Variants in GPC3 observed in about 807,000 individuals in gnomAD.
The protein encoded by GPC3 is glypican 3, also known as glypican-3.
In GPC3, 3 loss-of-function variants were observed where a neutral mutation model predicts 34.4. The observed-to-expected ratio is 0.09, with a 90% CI of 0.04 to 0.23. The LOEUF is 0.23. Among genes scored for constraint, GPC3 ranks in the 10% least tolerant of loss-of-function variants. GPC3 has a pLI of 1.00. For synonymous variants in GPC3, 177 were observed against 174.0 expected (o/e 1.02, Z -0.13); for missense variants, 351 against 445.6 (o/e 0.79, Z 1.91).
chrX:133,793,555 A>G (rs1469594208), intron 2 of GPC3, among the ~76,000 whole-genome samples: 3 of 111,275 alleles, frequency 2.7e-5, no homozygotes, highest in African/African-American at 9.8e-5. Flanking sequence ...AAACCCAGAA[A>G]TATCCTAACT....
chrX:133,952,168 G>A (rs1234374508), intron 2 of GPC3, among the ~76,000 whole-genome samples: 1 of 111,364 alleles, frequency 9.0e-6, no homozygotes, highest in Non-Finnish European at 1.9e-5. Flanking sequence ...TAAGAGCCAT[G>A]CCATCTGGGT....
chrX:133,616,558 C>T (rs975651813), intron 6 of GPC3, among the ~76,000 whole-genome samples: 1 of 110,466 alleles, frequency 9.1e-6, no homozygotes, highest in Non-Finnish European at 1.9e-5. Context: ...ATAGCCAAAA[C>T]AATTTTGAAA....
At position 133,936,195 on chromosome X, in the gene GPC3, G is replaced by A. The variant is rs916934919; in HGVS notation, c.337+16855C>T. ...CTACCTCAGCCTCAGAAAATGCTGGGATTAAACTTAAAGTATAATAATAAT... is the reference window on the plus strand; with the variant it reads ...CTACCTCAGCCTCAGAAAATGCTGGAATTAAACTTAAAGTATAATAATAAT... On this transcript the variant is annotated intron_variant, in intron 2 of 7. Coordinates refer to ENST00000370818, the MANE Select transcript of GPC3 (RefSeq NM_004484.4). Among the ~76,000 whole-genome samples the A allele has an allele frequency of 7.7e-5, 8 of 104,041 alleles. 1 individual carries two copies. The highest frequency in any genetic ancestry group is 1.6e-4 in the Non-Finnish European group (8 of 51,321). 90.3% of individuals were successfully genotyped at this position (104,041 alleles called of 115,157 possible).
chrX:133,953,788 T>C (rs1569458785), intron 1 of GPC3, among the ~76,000 whole-genome samples: 3 of 112,076 alleles, frequency 2.7e-5, no homozygotes, highest in Non-Finnish European at 3.8e-5. Flanking sequence ...GTGCCTACTA[T>C]ATGCCAAGCA....
intron 2 of GPC3, among the ~76,000 whole-genome samples, chrX:133,784,156 G>A (rs761246220): frequency 1.3e-4 from 14 of 111,577 alleles, no homozygotes; most frequent in Non-Finnish European, 2.1e-4. Context: ...TAAATTTAAC[G>A]TTCCAAAGCT....
intron 6 of GPC3, among the ~76,000 whole-genome samples, chrX:133,613,329 C>A (rs1172446052): frequency 9.0e-6 from 1 of 111,601 alleles, no homozygotes; most frequent in Non-Finnish European, 1.9e-5. Context: ...ATTTTTGTAA[C>A]AATCTGGAAT....
At chrX:133,775,189 C>T (rs969963475) in intron 2 of GPC3, among the ~76,000 whole-genome samples, 5 of 109,369 alleles carry the variant, frequency 4.6e-5, no homozygotes, top group Non-Finnish European at 9.5e-5. Flanking sequence ...CAACTGTTAT[C>T]AACATGAGTT....
At chrX:133,576,904 T>A (rs1382667136) in intron 7 of GPC3, among the ~76,000 whole-genome samples, 5 of 109,652 alleles carry the variant, frequency 4.6e-5, no homozygotes, top group Non-Finnish European at 9.4e-5. Flanking sequence ...GGTAAAGACA[T>A]GTTTATGGGA....
At chrX:133,684,752 T>C (rs180805360) in intron 5 of GPC3, among the ~76,000 whole-genome samples, 25 of 111,600 alleles carry the variant, frequency 2.2e-4, no homozygotes, top group African/African-American at 6.8e-4. Context: ...TAATAACTTA[T>C]TTTAGCACGA....
intron 3 of GPC3, among the ~76,000 whole-genome samples, chrX:133,730,004 T>C (rs1321698143): frequency 2.7e-5 from 3 of 112,188 alleles, no homozygotes; most frequent in East Asian, 5.6e-4. Flanking sequence ...TAATCAACGA[T>C]ACAGTGATGC....
chrX:133,547,625 C>G (rs2069397269), intron 7 of GPC3, among the ~76,000 whole-genome samples: 1 of 111,050 alleles, frequency 9.0e-6, no homozygotes, highest in African/African-American at 3.3e-5. Flanking sequence ...TAATTTTCAC[C>G]AAGAATTTTA....
chrX:133,904,213 A>AT (rs2076158373), intron 2 of GPC3, among the ~76,000 whole-genome samples: 1 of 111,185 alleles, frequency 9.0e-6, no homozygotes, highest in Admixed American at 9.5e-5. Flanking sequence ...CTCTCTCATC[A>AT]TTTTTTTTCT....
At chrX:133,761,159 C>A (rs1231582348) in intron 2 of GPC3, among the ~76,000 whole-genome samples, 6 of 111,151 alleles carry the variant, frequency 5.4e-5, no homozygotes, top group South Asian at 3.8e-4. Context: ...TTGAAAAAAA[C>A]CACTGGAAAA....
rs1251662471 is a variant in GPC3 at position 133,895,630 on chromosome X, A to G, written c.337+57420T>C. On this transcript the variant is annotated intron_variant, in intron 2 of 7. Coordinates refer to ENST00000370818, the MANE Select transcript of GPC3 (RefSeq NM_004484.4). ...TTAGGCCCTCAGATAACAGGGTCCC[A>G]GTTTGTGGCCTTCATTATCAAGTAT... 3.6e-5 allele frequency among the ~76,000 whole-genome samples: 4 copies of G among 111,687 alleles called. No homozygotes were observed. The South Asian group carries it at 1.5e-3, about 43-fold the overall frequency.
intron 3 of GPC3, among the ~76,000 whole-genome samples, chrX:133,705,725 T>C (rs1261924847): frequency 1.8e-5 from 2 of 112,226 alleles, no homozygotes; most frequent in African/African-American, 3.2e-5. Context: ...TTACCTATAA[T>C]TGGAGGACAG....
At chrX:133,957,067 T>G (rs2076419782) in intron 1 of GPC3, among the ~76,000 whole-genome samples, 1 of 111,690 alleles carries the variant, frequency 9.0e-6, no homozygotes, top group African/African-American at 3.2e-5. Context: ...ATGAGAACTT[T>G]TGGGAAAACA....
At chrX:133,624,260 A>G (rs2070270143) in intron 6 of GPC3, among the ~76,000 whole-genome samples, 1 of 111,852 alleles carries the variant, frequency 8.9e-6, no homozygotes, top group Admixed American at 9.5e-5. Flanking sequence ...TAGAGAAGCA[A>G]GGGCAAACAC....
At chrX:133,563,543 A>T (rs983687612) in intron 7 of GPC3, among the ~76,000 whole-genome samples, 3 of 112,397 alleles carry the variant, frequency 2.7e-5, no homozygotes. Flanking sequence ...ATAATAGCTA[A>T]ATCTAAAGAT....
At chrX:133,922,665 G>A (rs1173257666) in intron 2 of GPC3, among the ~76,000 whole-genome samples, 3 of 108,960 alleles carry the variant, frequency 2.8e-5, no homozygotes, top group Admixed American at 9.8e-5. Flanking sequence ...ACCACCAACC[G>A]CCCCCTTGCC....
Sources: allele counts gnomAD v4.1 joint callset (sites outside exome capture counted in the v4.1 genomes callset), GRCh38; gene constraint gnomAD v4.1.1; transcripts MANE v1.5; gene names NCBI Gene and HGNC (gene_info 2026-07-23, HGNC 2026-07-21).